ADGB: variants seen among roughly 807,000 people sequenced by gnomAD.
ADGB encodes the protein androglobin, also known as calpain-7-like protein.
Under a neutral mutation model 210.5 loss-of-function variants are expected in ADGB, and 172 were observed. The ratio of observed to expected loss-of-function variants is 0.82; its 90% confidence interval spans 0.72 to 0.93. ADGB has a LOEUF of 0.93. Among genes scored for constraint, ADGB ranks in the 40% least tolerant of loss-of-function variants. ADGB has a pLI of 0.00. For synonymous variants in ADGB, 658 were observed against 662.7 expected, an observed-to-expected ratio of 0.99 and a Z score of 0.11; for missense variants, 2,025 against 1,964.8, an observed-to-expected ratio of 1.03 and a Z score of -0.58.
At chr6:146,643,101 C>A (rs564225379) in intron 2 of ADGB, among the ~76,000 whole-genome samples, 2 of 151,910 alleles carry the variant, frequency 1.3e-5, no homozygotes, top group Admixed American at 6.6e-5. Context: ...GGGGAAACCC[C>A]AGAAGTGTAG....
chr6:146,759,256 C>A (rs1777453203), intron 27 of ADGB, among the ~76,000 whole-genome samples: 3 of 151,680 alleles, frequency 2.0e-5, no homozygotes, highest in Admixed American at 2.0e-4. Context: ...ATGAGCCAGT[C>A]ACAGATCTTA....
intron 1 of ADGB, among the ~76,000 whole-genome samples, chr6:146,603,834 G>C (rs933832377): frequency 8.5e-5 from 13 of 152,178 alleles, no homozygotes; most frequent in African/African-American, 3.1e-4. Context: ...CTGTGTATTA[G>C]ATTAAGTGAA....
intron 23 of ADGB, among the ~76,000 whole-genome samples, chr6:146,738,146 T>C (rs1434412014): frequency 1.3e-5 from 2 of 152,210 alleles, no homozygotes; most frequent in Non-Finnish European, 2.9e-5. Flanking sequence ...ATATGTAGCA[T>C]AGGGATATCT....
chr6:146,740,831 C>T (rs1301686443), intron 24 of ADGB, among the ~76,000 whole-genome samples: 2 of 151,938 alleles, frequency 1.3e-5, no homozygotes, highest in African/African-American at 4.8e-5. Flanking sequence ...GATAAAAATA[C>T]TATAACAAAT....
At chr6:146,706,843 G>GTGT (rs773331595) in intron 13 of ADGB, among the ~76,000 whole-genome samples, 1 of 66,876 alleles carries the variant, frequency 1.5e-5, no homozygotes, top group East Asian at 5.4e-4. Context: ...GATCAGCTTA[G>GTGT]TGTTTTTTTT....
chr6:146,676,203 TTAAATAATAC>T (rs1776080598), intron 8 of ADGB, 100 bp from the exon 9 acceptor site: 3 of 957,922 alleles, frequency 3.1e-6, no homozygotes, highest in Admixed American at 7.0e-5. Flanking sequence ...TAATTTTACA[TTAAATAATAC>T]TATTATTTTG....
intron 20 of ADGB, among the ~76,000 whole-genome samples, chr6:146,730,963 A>G (rs538543034): frequency 6.6e-5 from 10 of 152,252 alleles, no homozygotes; most frequent in African/African-American, 2.4e-4. Flanking sequence ...TAAGATTTAC[A>G]TACATTTCTG....
At chr6:146,713,655 G>T (rs1776689798) in intron 13 of ADGB, among the ~76,000 whole-genome samples, 1 of 151,982 alleles carries the variant, frequency 6.6e-6, no homozygotes, top group Admixed American at 6.6e-5. Context: ...CCCTTTATCA[G>T]ATATGTAATT....
rs151193224 is a variant in ADGB, at chr6:146,746,644, C to A, written c.3365+535C>A. 3.2e-3 allele frequency among the ~76,000 whole-genome samples: 492 copies of A among 152,176 alleles called. 2 individuals carry two copies. The highest frequency in any genetic ancestry group is 0.011 in the African/African-American group (472 of 41,510). On this transcript the variant is annotated intron_variant, in intron 26 of 35. Coordinates refer to ENST00000397944, the MANE Select transcript of ADGB (RefSeq NM_024694.4). Reference sequence around the variant, plus strand: ...TGCACTTAATCAGTTTTTTCTCATTCTCCCTATCCATTTACATACTCATCC... The same window carrying A: ...TGCACTTAATCAGTTTTTTCTCATTATCCCTATCCATTTACATACTCATCC...
chr6:146,733,233 C>A lies in ADGB; in HGVS notation c.2634C>A (p.Ser878=). ...AMVLDLELLN[S]SLEEVSLVEW... is the part of the protein sequence containing the mutation. The stretch of plus-strand genomic sequence containing the variant: ...TTTTGGACTTGGAGTTACTCAATTC[C>A]TCCTTGGAAGAGGTTTCTTTAGGTA... Residue 878 remains serine, a synonymous_variant, in exon 21 of 36, where the codon TCC becomes TCA. Coordinates refer to ENST00000397944, the MANE Select transcript of ADGB (RefSeq NM_024694.4). The A allele has an allele frequency of 6.5e-7, 1 of 1,535,600 alleles. No homozygotes were observed. Among genetic ancestry groups the A allele is most frequent in the Non-Finnish European group, 8.8e-7 (1 of 1,139,280 alleles).
At chr6:146,601,507 G>A (rs2114820434) in intron 1 of ADGB, among the ~76,000 whole-genome samples, 1 of 152,260 alleles carries the variant, frequency 6.6e-6, no homozygotes, top group Non-Finnish European at 1.5e-5. Flanking sequence ...CATAGATGTA[G>A]GACAAAGTGT....
At chr6:146,711,592 T>C (rs1433492711) in intron 13 of ADGB, among the ~76,000 whole-genome samples, 1 of 152,228 alleles carries the variant, frequency 6.6e-6, no homozygotes, top group African/African-American at 2.4e-5. Flanking sequence ...ACTTGCATGC[T>C]TGAAGATGCT....
At chr6:146,808,547 G>T (rs1402983860) in intron 35 of ADGB, among the ~76,000 whole-genome samples, 3 of 152,278 alleles carry the variant, frequency 2.0e-5, no homozygotes, top group Middle Eastern at 3.4e-3. Context: ...TTTAACTGAG[G>T]CACATAGCAG....
At chr6:146,662,305 C>A (rs35298021) in intron 5 of ADGB, among the ~76,000 whole-genome samples, 54,789 of 151,780 alleles carry the variant, frequency 0.36, 11,140 homozygotes, top group East Asian at 0.51. Context: ...CGCACAGGTC[C>A]CTGAGCCTTA....
chr6:146,748,615 C>T (rs1777276765), intron 26 of ADGB, among the ~76,000 whole-genome samples: 1 of 152,160 alleles, frequency 6.6e-6, no homozygotes, highest in Non-Finnish European at 1.5e-5. Context: ...TAGAGACAAT[C>T]TCACTTTGTC....
At chr6:146,638,610 G>GC (rs528142689) in intron 2 of ADGB, among the ~76,000 whole-genome samples, 1 of 52,828 alleles carries the variant, frequency 1.9e-5, no homozygotes. Flanking sequence ...GTTGTGGGGT[G>GC]GGGGGGGGGG....
At chr6:146,602,723 G>A (rs1392457835) in intron 1 of ADGB, among the ~76,000 whole-genome samples, 3 of 152,180 alleles carry the variant, frequency 2.0e-5, no homozygotes, top group Non-Finnish European at 4.4e-5. Context: ...CCTGGGCTGT[G>A]CAGCAGGAGG....
chr6:146,666,730 C>T, intron 6 of ADGB, 86 bp from the exon 7 acceptor site: 2 of 743,796 alleles, frequency 2.7e-6, no homozygotes, highest in Middle Eastern at 2.4e-4. Flanking sequence ...GAATATATTG[C>T]TGTTTATTAA....
At chr6:146,680,103 T>C (rs1359703027) in intron 9 of ADGB, among the ~76,000 whole-genome samples, 2 of 152,196 alleles carry the variant, frequency 1.3e-5, no homozygotes, top group Non-Finnish European at 2.9e-5. Flanking sequence ...TTTCCTCCTC[T>C]TTCTAGGAAC....
Sources: allele counts gnomAD v4.1 joint callset (sites outside exome capture counted in the v4.1 genomes callset), GRCh38; gene constraint gnomAD v4.1.1; transcripts MANE v1.5; gene names NCBI Gene and HGNC (gene_info 2026-07-23, HGNC 2026-07-21).